The following PIK3C2G variants were observed in gnomAD, a reference collection of about 807,000 sequenced individuals.
The protein encoded by PIK3C2G is phosphatidylinositol 3-kinase C2 domain-containing subunit gamma.
Under a neutral mutation model 181.1 loss-of-function variants are expected in PIK3C2G, and 168 were observed. The observed-to-expected ratio is 0.93, with a 90% CI of 0.82 to 1.05. PIK3C2G has a LOEUF of 1.05. Ranked by LOEUF, PIK3C2G falls within the 50% of genes least tolerant of loss-of-function variation. The pLI, the probability that PIK3C2G is intolerant of heterozygous loss-of-function variation, is 0.00. For missense variants in PIK3C2G, 1,869 were observed against 1,732.8 expected, an observed-to-expected ratio of 1.08 and a Z score of -1.40; for synonymous variants, 573 against 592.2, an observed-to-expected ratio of 0.97 and a Z score of 0.47.
chr12:18,713,027 A>T, the PIK3C2G span: 1 of 1,609,038 alleles, frequency 6.2e-7, no homozygotes, highest in Non-Finnish European at 8.5e-7. Flanking sequence ...CTCCTGGACC[A>T]TTAAAAATAT....
intron 25 of PIK3C2G, among the ~76,000 whole-genome samples, chr12:18,545,045 A>T (rs1236776989): frequency 6.6e-6 from 1 of 151,850 alleles, no homozygotes; most frequent in South Asian, 2.1e-4. Flanking sequence ...TCTTACTCTC[A>T]TGTTAAAACA....
chr12:18,556,682 A>C (rs566854114), intron 26 of PIK3C2G, among the ~76,000 whole-genome samples: 1 of 152,288 alleles, frequency 6.6e-6, no homozygotes, highest in Admixed American at 6.5e-5. Flanking sequence ...TCCATAAATC[A>C]TGATTAATAT....
the PIK3C2G span, among the ~76,000 whole-genome samples, chr12:18,654,204 A>G: frequency 6.6e-6 from 1 of 152,082 alleles, no homozygotes; most frequent in Non-Finnish European, 1.5e-5. Flanking sequence ...TAAAAAGTCA[A>G]TATACTCAGG....
chr12:18,536,530 G>A (rs1943863140), intron 24 of PIK3C2G, among the ~76,000 whole-genome samples: 1 of 152,086 alleles, frequency 6.6e-6, no homozygotes, highest in Admixed American at 6.6e-5. Context: ...CACAGTTTGT[G>A]CCTCTGCAAA....
the PIK3C2G span, among the ~76,000 whole-genome samples, chr12:18,677,979 G>C: frequency 1.3e-5 from 2 of 152,062 alleles, no homozygotes; most frequent in Non-Finnish European, 2.9e-5. Context: ...AATCAAGAGA[G>C]TATGTCAATT....
chr12:18,279,046 TA>T (rs2137102546), intron 1 of PIK3C2G, among the ~76,000 whole-genome samples: 1 of 152,152 alleles, frequency 6.6e-6, no homozygotes, highest in Admixed American at 6.6e-5. Flanking sequence ...TAATAAAAAT[TA>T]AAAAGTTTTT....
chr12:18,551,845 T>C lies in PIK3C2G; in HGVS notation c.3590+5413T>C, dbSNP rs76721741. Among the ~76,000 whole-genome samples the C allele has an allele frequency of 1.4e-3, 208 of 152,252 alleles. 1 individual carries two copies. In the East Asian group the frequency reaches 0.034, roughly 25 times the overall value. Reference sequence around the variant, plus strand: ...TACCTCTGCTTAGCATATTCTATTGTTCCCTGCTCATTGCCCAATATTCCT... The same window carrying C: ...TACCTCTGCTTAGCATATTCTATTGCTCCCTGCTCATTGCCCAATATTCCT... On this transcript the variant is annotated intron_variant, in intron 26 of 32. Coordinates refer to ENST00000538779, the MANE Select transcript of PIK3C2G (RefSeq NM_001288772.2).
At position 18,445,889 on chromosome 12, in the gene PIK3C2G, C is replaced by A. The variant is rs563914883; in HGVS notation, c.2504+21850C>A. Among the ~76,000 whole-genome samples, 24 of 152,216 alleles carry A rather than the reference C, an allele frequency of 1.6e-4. No individual in the cohort carries two copies. In the South Asian group the frequency reaches 2.1e-3, roughly 13 times the overall value. On this transcript the variant is annotated intron_variant, in intron 18 of 32. Coordinates refer to ENST00000538779, the MANE Select transcript of PIK3C2G (RefSeq NM_001288772.2). ...CCTTGAGTGCAATTGCATAGAACAT[C>A]TCTGAATGGATACAAAAGAAACTAG... is the stretch of plus-strand genomic sequence containing the variant.
intron 24 of PIK3C2G, among the ~76,000 whole-genome samples, chr12:18,505,955 T>C (rs1432572645): frequency 6.6e-6 from 1 of 152,222 alleles, no homozygotes; most frequent in African/African-American, 2.4e-5. Flanking sequence ...AACCCTGATC[T>C]CTTTCTAGTA....
chr12:18,597,904 T>A (rs1191309960), intron 30 of PIK3C2G, among the ~76,000 whole-genome samples: 1 of 152,122 alleles, frequency 6.6e-6, no homozygotes, highest in Non-Finnish European at 1.5e-5. Context: ...CACAATTGCT[T>A]CAAAGATAAT....
At chr12:18,248,597 C>T (rs1009623836) in intron 1 of PIK3C2G, among the ~76,000 whole-genome samples, 6 of 106,134 alleles carry the variant, frequency 5.7e-5, no homozygotes, top group Non-Finnish European at 1.2e-4. Flanking sequence ...ACAACAACAA[C>T]AACAACAACA....
intron 24 of PIK3C2G, among the ~76,000 whole-genome samples, chr12:18,523,509 T>C (rs1943043821): frequency 6.6e-6 from 1 of 152,216 alleles, no homozygotes; most frequent in Admixed American, 6.5e-5. Context: ...TTATAGGTAA[T>C]TACTGATCTG....
intron 18 of PIK3C2G, among the ~76,000 whole-genome samples, chr12:18,473,155 G>A (rs1169867228): frequency 6.6e-6 from 1 of 152,128 alleles, no homozygotes; most frequent in Non-Finnish European, 1.5e-5. Flanking sequence ...GGTGCATGTT[G>A]AGGAAGGAAG....
chr12:18,382,913 TA>T (rs1799490381), intron 14 of PIK3C2G, among the ~76,000 whole-genome samples: 1 of 152,062 alleles, frequency 6.6e-6, no homozygotes, highest in Non-Finnish European at 1.5e-5. Context: ...AAATTAATGC[TA>T]CTAAAATATG....
chr12:18,316,706 G>T (rs1299614010), intron 6 of PIK3C2G, among the ~76,000 whole-genome samples: 3 of 151,704 alleles, frequency 2.0e-5, no homozygotes, highest in Admixed American at 6.6e-5. Flanking sequence ...CTCCAGCCTG[G>T]GTGACAGAGC....
intron 12 of PIK3C2G, among the ~76,000 whole-genome samples, chr12:18,366,529 C>CA (rs1592075814): frequency 6.6e-6 from 1 of 151,742 alleles, no homozygotes; most frequent in South Asian, 2.1e-4. Flanking sequence ...GATTCTGTCT[C>CA]AAAAAAATAA....
chr12:18,631,343 C>T (rs895354289), intron 31 of PIK3C2G, among the ~76,000 whole-genome samples: 21 of 152,276 alleles, frequency 1.4e-4, no homozygotes, highest in African/African-American at 4.8e-4. Flanking sequence ...CTGTGCTGTT[C>T]TATCATTCTA....
At chr12:18,336,222 G>A (rs1041355032) in intron 8 of PIK3C2G, among the ~76,000 whole-genome samples, 1 of 152,132 alleles carries the variant, frequency 6.6e-6, no homozygotes, top group Middle Eastern at 3.4e-3. Flanking sequence ...AATCTTTACA[G>A]AAACTTATTT....
Position 18,488,470 on chromosome 12 carries a change from T to A in PIK3C2G, c.2526T>A (p.Asn842Lys). Residue 842 changes from asparagine (N) to lysine (K), a missense_variant, in exon 19 of 33, where the codon AAT becomes AAA. Coordinates refer to ENST00000538779, the MANE Select transcript of PIK3C2G (RefSeq NM_001288772.2). ...RLYWLLKNAE[N>K]EAYFKSWYQK... is the part of the protein sequence containing the mutation. ...TCAGGCTGCTAAAAAATGCAGAAAA[T>A]GAAGCTTATTTTAAAAGCTGGTATC... 1 of 1,529,140 alleles carries A rather than the reference T, an allele frequency of 6.5e-7. No individual in the cohort carries two copies. The highest frequency in any genetic ancestry group is 1.8e-4 in the Middle Eastern group (1 of 5,702). 94.7% of individuals were successfully genotyped at this position (1,529,140 alleles called of 1,614,324 possible). A position where few individuals can be genotyped will look rare whatever the true frequency, so the allele number is the denominator to read the frequency against.
Sources: allele counts gnomAD v4.1 joint callset (sites outside exome capture counted in the v4.1 genomes callset), GRCh38; gene constraint gnomAD v4.1.1; transcripts MANE v1.5; gene names NCBI Gene and HGNC (gene_info 2026-07-23, HGNC 2026-07-21).